The following COL11A1 variants were observed in gnomAD, a reference collection of about 807,000 sequenced individuals.
COL11A1 encodes the protein collagen type XI alpha 1 chain.
Under a neutral mutation model 265.2 loss-of-function variants are expected in COL11A1, and 74 were observed. The ratio of observed to expected loss-of-function variants is 0.28; its 90% confidence interval spans 0.23 to 0.34. The LOEUF (loss-of-function observed/expected upper bound fraction) is 0.34, where lower values mean the gene tolerates loss of function less well. COL11A1 is among the 10% of genes least tolerant of loss of function. The probability of loss-of-function intolerance (pLI) is 1.00; values close to 1 mark genes in which losing one functional copy is unlikely to be tolerated. For synonymous variants in COL11A1, 816 were observed against 727.6 expected (o/e 1.12, Z -1.96); for missense variants, 2,165 against 2,263.6 (o/e 0.96, Z 0.88).
intron 4 of COL11A1, among the ~76,000 whole-genome samples, chr1:103,034,537 T>G (rs2102013122): frequency 6.6e-6 from 1 of 152,260 alleles, no homozygotes; most frequent in African/African-American, 2.4e-5. Context: ...TTTAGTATTT[T>G]TAGTAGTATA....
At position 103,006,355 on chromosome 1, in the gene COL11A1, C is replaced by T. The variant is rs551368738; in HGVS notation, c.1684-40G>A. 1.9e-6 allele frequency: 3 copies of T among 1,539,596 alleles called. No homozygotes were observed. In the South Asian group the frequency reaches 3.4e-5, roughly 17 times the overall value. On this transcript the variant is annotated intron_variant, in intron 15 of 66. Transcript: ENST00000370096. ...CATAATTAAACCATATTATAGAATT[C>T]TTGATCAATAAACTCAATAGCATCA...
intron 57 of COL11A1, among the ~76,000 whole-genome samples, chr1:102,896,000 T>A (rs1252099092): frequency 6.6e-6 from 1 of 151,976 alleles, no homozygotes; most frequent in African/African-American, 2.4e-5. Context: ...TCAACATATT[T>A]ATCATTATTT....
chr1:102,979,093 G>A lies in COL11A1; in HGVS notation c.2622C>T (p.Gly874=), dbSNP rs1176380336. 4 of 1,614,096 alleles carry A rather than the reference G, an allele frequency of 2.5e-6. No individual in the cohort carries two copies. Among genetic ancestry groups the A allele is most frequent in the Admixed American group, 3.3e-5 (2 of 60,010 alleles). The change falls in exon 33 of 67, where the codon GGC becomes GGT. Residue 874 remains glycine (G), a synonymous_variant. Transcript: ENST00000370096. Reference sequence around the variant, plus strand: ...CACGCTGACCCCGAGGGCCTGGTTTGCCAGCTACTCCCTAGCAAAGACAGT... The same window carrying A: ...CACGCTGACCCCGAGGGCCTGGTTTACCAGCTACTCCCTAGCAAAGACAGT... ...NGEKGARGVA[G]KPGPRGQRGP...
In COL11A1 at chr1:102,878,053, C is replaced by A. The variant is rs761733406; in HGVS notation, c.5387G>T (p.Gly1796Val). ...NDFGDQNQKF[G>V]FEVGPVCFLG ...AAAACAAACAGGACCAACTTCAAAT[C>A]CGAACTTCTGATTCTGATCACCAAA... Residue 1796 changes from glycine (G) to valine (V), a missense_variant, in exon 67 of 67, where the codon GGA (glycine) becomes GTA (valine). By Grantham distance (109) the Gly-to-Val change is moderately radical. Coordinates refer to ENST00000370096, the MANE Select transcript of COL11A1 (RefSeq NM_001854.4). 1 of 1,613,600 alleles carries A rather than the reference C, an allele frequency of 6.2e-7. No homozygotes were observed. Among genetic ancestry groups the A allele is most frequent in the Non-Finnish European group, 8.5e-7 (1 of 1,179,730 alleles).
At chr1:102,971,035 A>C (rs1361504223) in intron 36 of COL11A1, among the ~76,000 whole-genome samples, 1 of 151,846 alleles carries the variant, frequency 6.6e-6, no homozygotes, top group African/African-American at 2.4e-5. Flanking sequence ...ACAAAAAAAA[A>C]CCAAGAATGC....
At position 103,082,827 on chromosome 1, in the gene COL11A1, G is replaced by A. The variant is rs2102323715; in HGVS notation, c.252C>T (p.Ala84=). The A allele has an allele frequency of 1.9e-6, 3 of 1,613,008 alleles. No homozygotes were observed. The East Asian group carries it at 6.7e-5, about 36-fold the overall frequency. The change falls in exon 2 of 67, where the codon GCC becomes GCT. Residue 84 remains alanine, a synonymous_variant. Transcript: ENST00000370096. ...YRVSKQAQLS[A]PTKQLFPGGT... Reference sequence around the variant, plus strand: ...TACCTGGAAATAACTGTTTTGTTGGGGCACTGAGTTGTGCTTGCTTTGAAA... The same window carrying A: ...TACCTGGAAATAACTGTTTTGTTGGAGCACTGAGTTGTGCTTGCTTTGAAA...
At chr1:102,909,021 A>T (rs1557804933) in intron 54 of COL11A1, among the ~76,000 whole-genome samples, 1 of 152,190 alleles carries the variant, frequency 6.6e-6, no homozygotes, top group Non-Finnish European at 1.5e-5. Flanking sequence ...TGAAAAAATA[A>T]TTATTGATTA....
intron 41 of COL11A1, among the ~76,000 whole-genome samples, chr1:102,950,871 G>T (rs770236306): frequency 1.4e-4 from 22 of 152,144 alleles, no homozygotes; most frequent in Admixed American, 6.5e-4. Flanking sequence ...CATGAGGTCA[G>T]TTTCCCCCAT....
chr1:103,106,566 G>A (rs947503375), intron 1 of COL11A1, among the ~76,000 whole-genome samples: 1 of 152,080 alleles, frequency 6.6e-6, no homozygotes, highest in African/African-American at 2.4e-5. Context: ...GGTACCAAAA[G>A]TAAAATACAA....
Position 102,979,416 on chromosome 1 carries a change from C to G in COL11A1, c.2576G>C (p.Gly859Ala), listed in dbSNP as rs770823842. ...TTTCTCTCCATTGGCACCTGGAAACCCAGGGAATCCAGTGGAACCCTACAA... is the reference window on the plus strand; with the variant it reads ...TTTCTCTCCATTGGCACCTGGAAACGCAGGGAATCCAGTGGAACCCTACAA... Reference protein sequence around the residue: ...QGPKGSTGFPGFPGANGEKGA... With the variant: ...QGPKGSTGFPAFPGANGEKGA... The change falls in exon 32 of 67, where the codon GGG becomes GCG. Residue 859 changes from glycine (G) to alanine (A), a missense_variant. By Grantham distance (60) the Gly-to-Ala change is moderately conservative. Coordinates refer to ENST00000370096, the MANE Select transcript of COL11A1 (RefSeq NM_001854.4). 1 of 1,608,640 alleles carries G rather than the reference C, an allele frequency of 6.2e-7. No individual in the cohort carries two copies. Among genetic ancestry groups the G allele is most frequent in the Non-Finnish European group, 8.5e-7 (1 of 1,175,332 alleles).
At position 103,030,919 on chromosome 1, in the gene COL11A1, T is replaced by A. The variant is rs1667935357; in HGVS notation, c.780+197A>T. 4 of 619,044 alleles carry A rather than the reference T, an allele frequency of 6.5e-6. No individual in the cohort carries two copies. The South Asian group carries it at 7.4e-5, about 12-fold the overall frequency. The allele number at this position is 619,044 out of a possible 1,614,324, so 38.3% of individuals were successfully genotyped here. On this transcript the variant is annotated intron_variant, in intron 5 of 66. Coordinates refer to ENST00000370096, the MANE Select transcript of COL11A1 (RefSeq NM_001854.4). ...AGCACCATTATTGCTAATAAATTTA[T>A]GTAATCAAATGCTTAAACAGCAAGA... is the stretch of plus-strand genomic sequence containing the variant.
chr1:102,885,958 G>C (rs948209600), intron 63 of COL11A1, among the ~76,000 whole-genome samples: 1 of 151,888 alleles, frequency 6.6e-6, no homozygotes, highest in Non-Finnish European at 1.5e-5. Context: ...TTTTATGCTG[G>C]CTGTTTCTGA....
intron 42 of COL11A1, among the ~76,000 whole-genome samples, chr1:102,944,728 A>G (rs1659077223): frequency 6.6e-6 from 1 of 152,194 alleles, no homozygotes; most frequent in South Asian, 2.1e-4. Context: ...TTTAAAATCT[A>G]CCATTCAATA....
At chr1:102,967,372 C>T (rs951404328) in intron 37 of COL11A1, among the ~76,000 whole-genome samples, 1 of 150,598 alleles carries the variant, frequency 6.6e-6, no homozygotes, top group African/African-American at 2.4e-5. Context: ...TCCAGAGTAG[C>T]TGGGACTACA....
intron 36 of COL11A1, among the ~76,000 whole-genome samples, chr1:102,970,689 C>T (rs1286826493): frequency 6.6e-6 from 1 of 151,972 alleles, no homozygotes; most frequent in African/African-American, 2.4e-5. Flanking sequence ...AAATAGTGCC[C>T]TCTAGTGGTA....
chr1:102,982,411 G>A (rs1482782693), intron 31 of COL11A1, among the ~76,000 whole-genome samples: 1 of 151,914 alleles, frequency 6.6e-6, no homozygotes, highest in Non-Finnish European at 1.5e-5. Flanking sequence ...TTAATAAATA[G>A]ATCAAGAATG....
chr1:102,999,562 G>A (rs1379228137), intron 24 of COL11A1, among the ~76,000 whole-genome samples: 1 of 151,472 alleles, frequency 6.6e-6, no homozygotes, highest in African/African-American at 2.4e-5. Flanking sequence ...GATGTATTTG[G>A]TATATTTATC....
intron 54 of COL11A1, among the ~76,000 whole-genome samples, chr1:102,906,413 T>A (rs892783624): frequency 1.3e-5 from 2 of 152,160 alleles, no homozygotes; most frequent in Non-Finnish European, 2.9e-5. Flanking sequence ...TTGGGTTTAC[T>A]TTTTGTTTTC....
At chr1:102,906,260 T>C (rs964818945) in intron 54 of COL11A1, among the ~76,000 whole-genome samples, 5 of 152,216 alleles carry the variant, frequency 3.3e-5, no homozygotes, top group African/African-American at 1.2e-4. Context: ...AGTCACATTT[T>C]TAAGTAGCAA....
Sources: gnomAD v4.1 joint callset for allele counts (sites outside exome capture counted in the v4.1 genomes callset) on GRCh38, gnomAD v4.1.1 for gene constraint, MANE v1.5 for transcripts, NCBI Gene and HGNC (gene_info 2026-07-23, HGNC 2026-07-21) for gene names.